Variants in MYCBP2 observed in about 807,000 individuals in gnomAD.
MYCBP2 encodes the protein E3 ubiquitin-protein ligase MYCBP2.
A neutral mutation model predicts 525.3 loss-of-function variants in MYCBP2; 120 were observed. That is an observed-to-expected ratio of 0.23 (90% CI 0.20 to 0.27). The LOEUF is 0.27. MYCBP2 is among the 10% of genes least tolerant of loss of function. The pLI is 1.00. For synonymous variants in MYCBP2, 1,894 were observed against 1,955.8 expected (o/e 0.97, Z 0.83); for missense variants, 4,149 against 5,657.1 (o/e 0.73, Z 8.55).
At chr13:77,075,733 AG>A (rs1039638777) in intron 68 of MYCBP2, 1 of 152,170 alleles carries the variant, frequency 6.6e-6, no homozygotes, top group Non-Finnish European at 1.5e-5. Context: ...AAGCTTTTTG[AG>A]GGCTTGCCAT....
chr13:77,161,286 G>A (rs1475598865), intron 44 of MYCBP2, among the ~76,000 whole-genome samples: 2 of 152,176 alleles, frequency 1.3e-5, no homozygotes, highest in African/African-American at 4.8e-5. Context: ...TTAGGTTGAC[G>A]TAACAGATCC....
intron 35 of MYCBP2, among the ~76,000 whole-genome samples, chr13:77,177,134 G>T (rs1407813723): frequency 1.4e-5 from 2 of 142,758 alleles, no homozygotes. Flanking sequence ...TGTGTTTCTT[G>T]AAAAATGACA....
chr13:77,274,293 A>T (rs1268129233), intron 4 of MYCBP2, among the ~76,000 whole-genome samples: 1 of 152,218 alleles, frequency 6.6e-6, no homozygotes, highest in Non-Finnish European at 1.5e-5. Context: ...ACACACACAC[A>T]CAAATGTTTT....
chr13:77,110,940 A>G (rs1363884217), intron 55 of MYCBP2, among the ~76,000 whole-genome samples: 1 of 152,162 alleles, frequency 6.6e-6, no homozygotes, highest in Non-Finnish European at 1.5e-5. Context: ...ATCATAAGAC[A>G]TAACGGCTGC....
At position 77,077,393 on chromosome 13, in the gene MYCBP2, TGA is replaced by T; in HGVS notation, c.11485-8_11485-7del. 15 of 1,613,570 alleles carry T rather than the reference TGA, an allele frequency of 9.3e-6. No individual in the cohort carries two copies. Among genetic ancestry groups the T allele is most frequent in the Non-Finnish European group, 1.3e-5 (15 of 1,179,636 alleles). ...TGCCTGGAATCCAGATCAACCTGGT[TGA>T]GTAGAAAAGAGGCAGGAACCTGATT... is the stretch of plus-strand genomic sequence containing the variant. On this transcript the variant is annotated splice_polypyrimidine_tract_variant and splice_region_variant and intron_variant, in intron 66 of 82. Coordinates refer to ENST00000544440, the MANE Select transcript of MYCBP2 (RefSeq NM_015057.5).
chr13:77,326,415 G>A lies in MYCBP2; in HGVS notation c.302+59C>T, dbSNP rs1396000647. On this transcript the variant is annotated intron_variant, in intron 1 of 82. Coordinates refer to ENST00000544440, the MANE Select transcript of MYCBP2 (RefSeq NM_015057.5). The surrounding 1 kb of genome is among the most constrained non-coding windows in gnomAD (Gnocchi z 4.2). ...CACACACACACGCGGGTGCACGCGC[G>A]GCATGGGGCGCAAGGAAGGGCGGCA... The A allele has an allele frequency of 2.1e-6, 3 of 1,462,082 alleles. No individual in the cohort carries two copies. Among genetic ancestry groups the A allele is most frequent in the South Asian group, 2.7e-5 (2 of 74,490 alleles). The allele number at this position is 1,462,082 out of a possible 1,614,324, so 90.6% of individuals were successfully genotyped here.
chr13:77,319,636 A>T (rs1594896336), intron 1 of MYCBP2, among the ~76,000 whole-genome samples: 1 of 152,250 alleles, frequency 6.6e-6, no homozygotes, highest in East Asian at 1.9e-4. Flanking sequence ...TGTCCTCATA[A>T]TTAATTTCTC....
At chr13:77,156,529 G>A (rs139223461) in intron 45 of MYCBP2, among the ~76,000 whole-genome samples, 244 of 152,290 alleles carry the variant, frequency 1.6e-3, no homozygotes, top group African/African-American at 5.6e-3. Flanking sequence ...ATAATTTGAA[G>A]TCCTGAGCAG....
intron 26 of MYCBP2, among the ~76,000 whole-genome samples, chr13:77,200,267 A>C (rs374244751): frequency 1.6e-3 from 244 of 152,298 alleles, no homozygotes; most frequent in African/African-American, 5.4e-3. Flanking sequence ...GGAGCCGATG[A>C]GATCAACTGG....
intron 54 of MYCBP2, among the ~76,000 whole-genome samples, chr13:77,124,541 TCA>T (rs1000722675): frequency 1.3e-5 from 2 of 152,200 alleles, no homozygotes; most frequent in Non-Finnish European, 2.9e-5. Context: ...TTACAAAACT[TCA>T]TGAGCAACTA....
intron 8 of MYCBP2, among the ~76,000 whole-genome samples, chr13:77,264,684 C>T (rs1254423173): frequency 6.6e-6 from 1 of 152,020 alleles, no homozygotes; most frequent in Non-Finnish European, 1.5e-5. Flanking sequence ...GAATAGTACA[C>T]CATATACTTT....
chr13:77,176,331 T>TAC (rs1267020621), intron 36 of MYCBP2, among the ~76,000 whole-genome samples, 166 bp downstream of exon 36: 2 of 152,198 alleles, frequency 1.3e-5, no homozygotes, highest in African/African-American at 4.8e-5. Context: ...TATAATGTGG[T>TAC]ACAACATTAG....
At chr13:77,304,068 G>A (rs1349672246) in intron 1 of MYCBP2, among the ~76,000 whole-genome samples, 2 of 152,126 alleles carry the variant, frequency 1.3e-5, no homozygotes, top group African/African-American at 4.8e-5. Context: ...AAATAGAATG[G>A]AGGCTCCTGA....
intron 63 of MYCBP2, among the ~76,000 whole-genome samples, chr13:77,082,787 T>G (rs969904389): frequency 6.6e-6 from 1 of 152,022 alleles, no homozygotes; most frequent in Non-Finnish European, 1.5e-5. Flanking sequence ...GTGAGGGAGA[T>G]TGCTACAGTG....
intron 32 of MYCBP2, among the ~76,000 whole-genome samples, chr13:77,182,851 G>A (rs1415198400): frequency 6.6e-6 from 1 of 152,140 alleles, no homozygotes; most frequent in Non-Finnish European, 1.5e-5. Context: ...AAACTTAGGG[G>A]CATATTCAGA....
In MYCBP2 at chr13:77,206,753, T is replaced by C; in HGVS notation, c.3489A>G (p.Ala1163=). The change falls in exon 24 of 83, where the codon GCA becomes GCG. Residue 1163 remains alanine (A), a synonymous_variant. Transcript: ENST00000544440. ...GGATACTACATCTGGACTGCATGTC[T>C]GCTGCAGAGGGAAGCCTGGCATCAG... The part of the protein sequence containing the change: ...VVADARLPSA[A]DMQSRCSILS... 2.5e-6 allele frequency: 4 copies of C among 1,612,552 alleles called. No homozygotes were observed. In the South Asian group the frequency reaches 4.4e-5, roughly 18 times the overall value.
intron 17 of MYCBP2, among the ~76,000 whole-genome samples, chr13:77,234,702 TCAAATATGAA>T (rs938884248): frequency 6.6e-6 from 1 of 151,986 alleles, no homozygotes; most frequent in African/African-American, 2.4e-5. Context: ...AATTGATATT[TCAAATATGAA>T]CAAATATGAA....
intron 18 of MYCBP2, among the ~76,000 whole-genome samples, chr13:77,227,694 C>T (rs2066495251): frequency 6.6e-6 from 1 of 152,098 alleles, no homozygotes; most frequent in Non-Finnish European, 1.5e-5. Context: ...TATCATTCCA[C>T]TTTATATAAA....
In MYCBP2 at chr13:77,150,843, G is replaced by T; in HGVS notation, c.7022C>A (p.Ser2341Tyr). ...IPGSPAVTAASSNTDMTYGGL... is the reference protein window; with the variant it reads ...IPGSPAVTAAYSNTDMTYGGL... Reference sequence around the variant, plus strand: ...TCCATAAGTCATGTCAGTATTAGAAGATGCAGCTGTTACTGCAGGACTGCC... The same window carrying T: ...TCCATAAGTCATGTCAGTATTAGAATATGCAGCTGTTACTGCAGGACTGCC... The change falls in exon 47 of 83, where the codon TCT (serine) becomes TAT (tyrosine). Residue 2341 changes from serine to tyrosine, a missense_variant. Coordinates refer to ENST00000544440, the MANE Select transcript of MYCBP2 (RefSeq NM_015057.5). 6.2e-7 allele frequency: 1 copy of T among 1,614,076 alleles called. No homozygotes were observed. Among genetic ancestry groups the T allele is most frequent in the Non-Finnish European group, 8.5e-7 (1 of 1,179,956 alleles).
Sources: allele counts gnomAD v4.1 joint callset (sites outside exome capture counted in the v4.1 genomes callset), GRCh38; gene constraint gnomAD v4.1.1; non-coding constraint Gnocchi (gnomAD v3.1); transcripts MANE v1.5; gene names NCBI Gene and HGNC (gene_info 2026-07-23, HGNC 2026-07-21).